The following BCKDHB variants were observed in gnomAD, a reference collection of about 807,000 sequenced individuals.
BCKDHB encodes the protein 2-oxoisovalerate dehydrogenase subunit beta, mitochondrial.
BCKDHB carries 41 observed loss-of-function variants against 48.5 expected under a neutral mutation model. The ratio of observed to expected loss-of-function variants is 0.85; its 90% CI spans 0.66 to 1.10. BCKDHB has a LOEUF of 1.10. Ranked by LOEUF, BCKDHB falls within the 50% of genes least tolerant of loss-of-function variation. The probability of loss-of-function intolerance (pLI) is 0.00; values close to 1 mark genes in which losing one functional copy is unlikely to be tolerated. For synonymous variants in BCKDHB, 201 were observed against 174.8 expected (o/e 1.15, Z -1.18); for missense variants, 496 against 494.2 (o/e 1.00, Z -0.03).
the BCKDHB span, among the ~76,000 whole-genome samples, chr6:80,389,631 T>G: frequency 6.6e-6 from 1 of 152,188 alleles, no homozygotes; most frequent in East Asian, 1.9e-4. Context: ...GCTAAAGAAG[T>G]GCAGCAGTGG....
At chr6:80,384,437 C>T in the BCKDHB span, among the ~76,000 whole-genome samples, 2 of 151,860 alleles carry the variant, frequency 1.3e-5, no homozygotes, top group Non-Finnish European at 1.5e-5. Context: ...TGGCACACTC[C>T]AACCTCTACC....
intron 6 of BCKDHB, among the ~76,000 whole-genome samples, chr6:80,177,225 CAAAAAAAAAAA>C (rs575991853): frequency 7.0e-5 from 3 of 43,148 alleles, no homozygotes; most frequent in African/African-American, 1.9e-4. Context: ...GACCTTGTCT[CAAAAAAAAAAA>C]AAAAAAAAAA....
chr6:80,307,293 A>G (rs183160077), intron 9 of BCKDHB, among the ~76,000 whole-genome samples: 2 of 152,342 alleles, frequency 1.3e-5, no homozygotes, highest in East Asian at 1.9e-4. Flanking sequence ...TAGCTAACAT[A>G]TAGGGTTCCA....
At position 80,106,841 on chromosome 6, in the gene BCKDHB, C is replaced by T. The variant is rs1003711114; in HGVS notation, c.148C>T (p.Gln50Ter). 1.2e-6 allele frequency: 2 copies of T among 1,610,266 alleles called. No individual in the cohort carries two copies. Among genetic ancestry groups the T allele is most frequent in the East Asian group, 2.2e-5 (1 of 44,786 alleles). The change falls in exon 1 of 10, where the codon CAG (glutamine) becomes TAG (stop). Residue 50 changes from glutamine (Q) to a stop codon, truncating the protein, a stop_gained. Transcript: ENST00000320393. LOFTEE classifies it high-confidence loss of function. The part of the protein sequence containing the change: ...ATVEDAAQRR[Q>*]VAHFTFQPDP... Reference sequence around the variant, plus strand: ...TGTCGAGGATGCGGCCCAGAGGCGGCAGGTGGCTCATTTTACTTTCCAGCC... The same window carrying T: ...TGTCGAGGATGCGGCCCAGAGGCGGTAGGTGGCTCATTTTACTTTCCAGCC...
At chr6:80,208,783 T>C (rs1774786840) in intron 8 of BCKDHB, among the ~76,000 whole-genome samples, 2 of 152,000 alleles carry the variant, frequency 1.3e-5, no homozygotes, top group East Asian at 1.9e-4. Context: ...TTTAATGTTA[T>C]TAACTCTCAT....
chr6:80,168,532 A>G (rs1303223670), intron 4 of BCKDHB, among the ~76,000 whole-genome samples: 1 of 126,652 alleles, frequency 7.9e-6, no homozygotes, highest in Admixed American at 8.1e-5. Context: ...GCTATGGGAA[A>G]GGAAGGAAGG....
rs115838654 is a variant in BCKDHB at position 80,231,951 on chromosome 6, C to T, written c.951+28739C>T. 6.1e-3 allele frequency among the ~76,000 whole-genome samples: 924 copies of T among 152,204 alleles called. 11 individuals carry two copies. The highest frequency in any genetic ancestry group is 0.021 in the African/African-American group (870 of 41,538). On this transcript the variant is annotated intron_variant, in intron 8 of 9. Transcript: ENST00000320393. ...CTGCACTCCAGCCAGGGTCACAGGG[C>T]GAGAGTCTGTCTGGAAATCACTGTA...
Position 80,127,606 on chromosome 6 carries a change from G to A in BCKDHB, c.256G>A (p.Ala86Thr). ...AACAAGTGCCTTGGATAACTCATTG[G>A]CCAAAGATCCTACTGCAGGTAACCC... ...SVTSALDNSL[A>T]KDPTAVIFGE... is the part of the protein sequence containing the mutation. Residue 86 changes from alanine to threonine, a missense_variant, in exon 2 of 10, where the codon GCC becomes ACC. Physicochemically the swap from Ala to Thr is moderately conservative, Grantham distance 58. Transcript: ENST00000320393. 6.2e-7 allele frequency: 1 copy of A among 1,613,038 alleles called. No homozygotes were observed. The highest frequency in any genetic ancestry group is 8.5e-7 in the Non-Finnish European group (1 of 1,179,270).
At chr6:80,376,383 T>C in the BCKDHB span, among the ~76,000 whole-genome samples, 2 of 152,078 alleles carry the variant, frequency 1.3e-5, no homozygotes, top group African/African-American at 4.8e-5. Flanking sequence ...CAGCACCAAG[T>C]TTATTTCCAG....
intron 3 of BCKDHB, among the ~76,000 whole-genome samples, chr6:80,129,728 C>T (rs571028213): frequency 2.0e-5 from 3 of 152,292 alleles, no homozygotes; most frequent in Non-Finnish European, 4.4e-5. Flanking sequence ...ACTTGAAACT[C>T]AGGCAGGGTT....
the BCKDHB span, among the ~76,000 whole-genome samples, chr6:80,436,470 T>A: frequency 6.6e-6 from 1 of 152,158 alleles, no homozygotes; most frequent in Non-Finnish European, 1.5e-5. Flanking sequence ...CCTGTTATAA[T>A]CTCATGTTTT....
chr6:80,163,706 TA>T (rs1262030713), intron 3 of BCKDHB, among the ~76,000 whole-genome samples: 1 of 152,198 alleles, frequency 6.6e-6, no homozygotes. Flanking sequence ...TCTACCTGAA[TA>T]TCTGAGGGCA....
chr6:80,340,702 G>A (rs1007907390), intron 9 of BCKDHB, among the ~76,000 whole-genome samples: 2 of 152,144 alleles, frequency 1.3e-5, no homozygotes, highest in African/African-American at 2.4e-5. Context: ...ATGGCGTCAT[G>A]TATTTATAAT....
chr6:80,297,880 C>T lies in BCKDHB; in HGVS notation c.1038+24659C>T, dbSNP rs570387563. 2.6e-5 allele frequency among the ~76,000 whole-genome samples: 4 copies of T among 152,220 alleles called. No homozygotes were observed. The East Asian group carries it at 5.8e-4, about 22-fold the overall frequency. On this transcript the variant is annotated intron_variant, in intron 9 of 9. Coordinates refer to ENST00000320393, the MANE Select transcript of BCKDHB (RefSeq NM_183050.4). ...CTGATGCCCCCAGTGTCAAAAATGT[C>T]ACACAATGCAGTGCAAAACAGAACA...
chr6:80,274,866 G>A (rs1777905077), intron 9 of BCKDHB, among the ~76,000 whole-genome samples: 1 of 151,922 alleles, frequency 6.6e-6, no homozygotes, highest in African/African-American at 2.4e-5. Context: ...GTGGTCTTAT[G>A]TTAATGGAAA....
At chr6:80,432,845 A>T in the BCKDHB span, among the ~76,000 whole-genome samples, 1 of 152,068 alleles carries the variant, frequency 6.6e-6, no homozygotes, top group Non-Finnish European at 1.5e-5. Context: ...AATGTTAGTG[A>T]CCTATGGATG....
At chr6:80,284,201 A>G (rs1043988894) in intron 9 of BCKDHB, among the ~76,000 whole-genome samples, 7 of 152,124 alleles carry the variant, frequency 4.6e-5, no homozygotes, top group Non-Finnish European at 8.8e-5. Context: ...TCACTAAAAT[A>G]TAGTCGAGTT....
intron 1 of BCKDHB, among the ~76,000 whole-genome samples, chr6:80,108,814 C>T (rs7753695): frequency 0.37 from 55,781 of 151,892 alleles, 12,250 homozygotes; most frequent in Admixed American, 0.56. Context: ...GAGCTGATAT[C>T]GTGCCACTGC....
intron 9 of BCKDHB, among the ~76,000 whole-genome samples, chr6:80,315,013 C>A (rs1159859940): frequency 6.6e-6 from 1 of 152,200 alleles, no homozygotes; most frequent in Non-Finnish European, 1.5e-5. Flanking sequence ...CACTGGGGTT[C>A]CATCCCCTCT....
Sources: allele counts gnomAD v4.1 joint callset (sites outside exome capture counted in the v4.1 genomes callset), GRCh38; gene constraint gnomAD v4.1.1; transcripts MANE v1.5; gene names NCBI Gene and HGNC (gene_info 2026-07-23, HGNC 2026-07-21).